The following FCER2 variants were observed in gnomAD, a reference collection of about 807,000 sequenced individuals.
FCER2 encodes low affinity immunoglobulin epsilon Fc receptor.
In FCER2, 38 loss-of-function variants were observed where a neutral mutation model predicts 49.7. The observed-to-expected ratio is 0.76, with a 90% confidence interval of 0.59 to 1.00. The LOEUF (loss-of-function observed/expected upper bound fraction) is 1.00. FCER2 is among the 50% of genes least tolerant of loss of function. The pLI, the probability that FCER2 is intolerant of heterozygous loss-of-function variation, is 0.00. For missense variants in FCER2, 425 were observed against 419.5 expected (o/e 1.01, Z -0.11); for synonymous variants, 163 against 164.6 (o/e 0.99, Z 0.07).
Position 7,697,217 on chromosome 19 carries a change from C to T in FCER2, c.316+19G>A. ...TTCCCACCCAATCTGGCTTCATAAC[C>T]CCGATCCCAGTCTCTCACCCTGAGA... On this transcript the variant is annotated intron_variant, in intron 6 of 10. Coordinates refer to ENST00000597921, the MANE Select transcript of FCER2 (RefSeq NM_001220500.2). The T allele has an allele frequency of 1.2e-6, 2 of 1,613,774 alleles. No homozygotes were observed.
Position 7,688,969 on chromosome 19 carries a change from G to A in FCER2, c.*224C>T, listed in dbSNP as rs1053993073. 1.7e-5 allele frequency: 10 copies of A among 574,226 alleles called. No individual in the cohort carries two copies. The highest frequency in any genetic ancestry group is 2.8e-5 in the Non-Finnish European group (9 of 320,674). The allele number at this position is 574,226 out of a possible 1,614,324, so 35.6% of individuals were successfully genotyped here. ...CATCTGGAGAGGGTGCTGTTGGGGT[G>A]TACTCTCATCTGGAGAGGGTGCTGT... On this transcript the variant is annotated 3_prime_UTR_variant, in exon 11 of 11. Transcript: ENST00000597921.
intron 8 of FCER2, among the ~76,000 whole-genome samples, chr19:7,693,837 C>CG (rs1223214424): frequency 6.6e-6 from 1 of 151,214 alleles, no homozygotes; most frequent in Non-Finnish European, 1.5e-5. Flanking sequence ...TTAGTAGAGA[C>CG]GGGGTTTCAC....
intron 8 of FCER2, among the ~76,000 whole-genome samples, chr19:7,691,577 A>G (rs72998478): frequency 0.35 from 52,758 of 151,554 alleles, 10,240 homozygotes; most frequent in African/African-American, 0.53. Flanking sequence ...AAGCACCATC[A>G]CCAACAGCAC....
rs757538767 is a variant in FCER2, at chr19:7,697,479, G to T, written c.253+48C>A. 1.9e-6 allele frequency: 3 copies of T among 1,556,446 alleles called. No individual in the cohort carries two copies. In the Admixed American group the frequency reaches 5.1e-5, roughly 26 times the overall value. On this transcript the variant is annotated intron_variant, in intron 5 of 10. Coordinates refer to ENST00000597921, the MANE Select transcript of FCER2 (RefSeq NM_001220500.2). Reference sequence around the variant, plus strand: ...GCTCTGGGTCCAGGAAGTCATCCAAGACCCCCTCGCTTTTTCCCCTGCAAC... The same window carrying T: ...GCTCTGGGTCCAGGAAGTCATCCAATACCCCCTCGCTTTTTCCCCTGCAAC...
intron 3 of FCER2, 47 bp from the exon 4 acceptor site, chr19:7,698,456 C>A (rs761139731): frequency 7.0e-7 from 1 of 1,431,490 alleles, no homozygotes. Flanking sequence ...ATTGTCAGTG[C>A]CCCCACCTGC....
intron 2 of FCER2, chr19:7,699,314 C>T: frequency 9.5e-7 from 1 of 1,055,116 alleles, no homozygotes; most frequent in Non-Finnish European, 1.3e-6. Context: ...CAAACCTCTC[C>T]CAGACCCCAC....
intron 8 of FCER2, among the ~76,000 whole-genome samples, chr19:7,696,524 C>T (rs2033015814): frequency 6.6e-6 from 1 of 152,134 alleles, no homozygotes; most frequent in Non-Finnish European, 1.5e-5. Context: ...GTGTGAGCCA[C>T]CGCGCCTGGC....
chr19:7,695,920 C>CT (rs60387474), intron 8 of FCER2, among the ~76,000 whole-genome samples: 1,295 of 80,618 alleles, frequency 0.016, 12 homozygotes, highest in East Asian at 0.054. Context: ...CCATCTCTCT[C>CT]TTTTTTTTTT....
chr19:7,698,308 G>C (rs918367100), intron 4 of FCER2, 48 bp downstream of exon 4: 17 of 1,345,922 alleles, frequency 1.3e-5, no homozygotes, highest in Non-Finnish European at 1.8e-5. Flanking sequence ...ATGAGTGCTG[G>C]GCATCCTAAC....
chr19:7,696,833 AC>A lies in FCER2; in HGVS notation c.460del (p.Val154CysfsTer57). 1 of 1,576,246 alleles carries A rather than the reference AC, an allele frequency of 6.3e-7. No homozygotes were observed. Among genetic ancestry groups the A allele is most frequent in the Non-Finnish European group, 8.6e-7 (1 of 1,159,770 alleles). ...EVTKLRMELQ[V>X]SSGFVCNTCP... The stretch of plus-strand genomic sequence containing the variant: ...GAGACTCACACACTCACCGCTGGAC[AC>A]CTGCAACTCCATCCTTAGCTTTGTC... On this transcript the variant is annotated frameshift_variant, in exon 8 of 11. Coordinates refer to ENST00000597921, the MANE Select transcript of FCER2 (RefSeq NM_001220500.2). LOFTEE classifies it high-confidence loss of function.
rs1228941715 is a variant in FCER2, at chr19:7,698,879, A to G, written c.23-25T>C. On this transcript the variant is annotated intron_variant, in intron 2 of 10. Coordinates refer to ENST00000597921, the MANE Select transcript of FCER2 (RefSeq NM_001220500.2). ...TCTGCCGGGGGTGGAGGGACTGACT[A>G]TGGGTGCAGGGTGAAGCTGGATGCT... 3.2e-6 allele frequency: 5 copies of G among 1,560,466 alleles called. No homozygotes were observed. The Admixed American group carries it at 5.7e-5, about 18-fold the overall frequency.
intron 1 of FCER2, among the ~76,000 whole-genome samples, chr19:7,700,394 T>C (rs2033127241): frequency 6.6e-6 from 1 of 152,170 alleles, no homozygotes; most frequent in South Asian, 2.1e-4. Context: ...TCTAAACATT[T>C]ATGAAACATC....
Position 7,688,925 on chromosome 19 carries a change from T to G in FCER2, c.*268A>C. The G allele has an allele frequency of 6.2e-6, 3 of 481,310 alleles. No homozygotes were observed. Among genetic ancestry groups the G allele is most frequent in the Non-Finnish European group, 1.1e-5 (3 of 267,474 alleles). 29.8% of individuals were successfully genotyped at this position (481,310 alleles called of 1,614,324 possible). A position where few individuals can be genotyped will look rare whatever the true frequency, so the allele number is the denominator to read the frequency against. ...GGGGTGTACTCTCATCTGGAGAGGG[T>G]GCTGTTGGGGTGTACTCTCATCTGG... On this transcript the variant is annotated 3_prime_UTR_variant, in exon 11 of 11. Transcript: ENST00000597921.
chr19:7,690,959 C>A (rs2032851072), intron 8 of FCER2, among the ~76,000 whole-genome samples: 1 of 152,012 alleles, frequency 6.6e-6, no homozygotes, highest in Non-Finnish European at 1.5e-5. Flanking sequence ...CTTCAACCAC[C>A]ATCACCACAG....
chr19:7,689,027 G>A lies in FCER2; in HGVS notation c.*166C>T. On this transcript the variant is annotated 3_prime_UTR_variant, in exon 11 of 11. Coordinates refer to ENST00000597921, the MANE Select transcript of FCER2 (RefSeq NM_001220500.2). ...ACTCCCATCTGGAGAGGGTGCTGTT[G>A]GGGTGTACTCCTGGGAAGGCAGGGG... is the stretch of plus-strand genomic sequence containing the variant. The A allele has an allele frequency of 1.6e-6, 1 of 607,924 alleles. No individual in the cohort carries two copies. Among genetic ancestry groups the A allele is most frequent in the Non-Finnish European group, 2.9e-6 (1 of 340,546 alleles). The allele number at this position is 607,924 out of a possible 1,614,324, so 37.7% of individuals were successfully genotyped here. A position where few individuals can be genotyped will look rare whatever the true frequency, so the allele number is the denominator to read the frequency against.
rs768573678 is a variant in FCER2 at position 7,700,992 on chromosome 19, TAG to T, written c.-86+1021_-86+1022del. Among the ~76,000 whole-genome samples, 37 of 151,766 alleles carry T rather than the reference TAG, an allele frequency of 2.4e-4. 1 individual carries two copies. The highest frequency in any genetic ancestry group is 7.4e-5 in the Non-Finnish European group (5 of 67,980). On this transcript the variant is annotated intron_variant, in intron 1 of 10. Coordinates refer to ENST00000597921, the MANE Select transcript of FCER2 (RefSeq NM_001220500.2). ...CACCTGGCTAATTTTTGTATTTTAG[TAG>T]AGACAGGGTTTCACCATATTGATCA...
chr19:7,696,514 G>T (rs557865081), intron 8 of FCER2, among the ~76,000 whole-genome samples: 1 of 152,226 alleles, frequency 6.6e-6, no homozygotes, highest in East Asian at 1.9e-4. Flanking sequence ...GGGATTACAG[G>T]TGTGAGCCAC....
In FCER2 at chr19:7,691,786, T is replaced by A. The variant is rs2032878405; in HGVS notation, c.470-1229A>T. ...CATTACATCATCATAAATACACCCA[T>A]GGCCAGCAACACCTCAGTCACCAAC... On this transcript the variant is annotated intron_variant, in intron 8 of 10. Coordinates refer to ENST00000597921, the MANE Select transcript of FCER2 (RefSeq NM_001220500.2). 3.3e-5 allele frequency among the ~76,000 whole-genome samples: 5 copies of A among 151,234 alleles called. No individual in the cohort carries two copies. In the South Asian group the frequency reaches 1.1e-3, roughly 32 times the overall value.
intron 8 of FCER2, 111 bp from the exon 9 acceptor site, chr19:7,690,668 A>G: frequency 3.6e-6 from 4 of 1,104,068 alleles, no homozygotes; most frequent in African/African-American, 1.6e-5. Flanking sequence ...CCCGGCTAAA[A>G]GCAGACCCAC....
Sources: allele counts gnomAD v4.1 joint callset (sites outside exome capture counted in the v4.1 genomes callset), GRCh38; gene constraint gnomAD v4.1.1; transcripts MANE v1.5; gene names NCBI Gene and HGNC (gene_info 2026-07-23, HGNC 2026-07-21).